Variants in SMO observed in about 807,000 individuals in gnomAD.
SMO encodes smoothened, frizzled class receptor.
Under a neutral mutation model 81.6 loss-of-function variants are expected in SMO, and 40 were observed. The observed-to-expected ratio is 0.49, with a 90% CI of 0.38 to 0.64. SMO has a LOEUF of 0.64. SMO is among the 30% of genes least tolerant of loss of function. The probability of loss-of-function intolerance (pLI) is 0.00; values close to 1 mark genes in which losing one functional copy is unlikely to be tolerated. For synonymous variants in SMO, 434 were observed against 432.1 expected, an observed-to-expected ratio of 1.00 and a Z score of -0.05; for missense variants, 916 against 1,061.1, an observed-to-expected ratio of 0.86 and a Z score of 1.90.
chr7:129,194,295 C>T (rs1028714430), intron 1 of SMO, among the ~76,000 whole-genome samples: 1 of 152,070 alleles, frequency 6.6e-6, no homozygotes, highest in Non-Finnish European at 1.5e-5. Flanking sequence ...TTCAGAGGCT[C>T]ACTCATTGTG....
At chr7:129,204,728 G>A (rs1793730024) in intron 2 of SMO, among the ~76,000 whole-genome samples, 1 of 151,856 alleles carries the variant, frequency 6.6e-6, no homozygotes, top group African/African-American at 2.4e-5. Context: ...CTTAGAAATG[G>A]GGAAACTGGC....
chr7:129,212,111 G>A lies in SMO; in HGVS notation c.2024G>A (p.Arg675Lys), dbSNP rs1466921386. 7 of 1,571,518 alleles carry A rather than the reference G, an allele frequency of 4.5e-6. No individual in the cohort carries two copies. The highest frequency in any genetic ancestry group is 1.4e-5 in the African/African-American group (1 of 73,778). The change falls in exon 12 of 12, where the codon AGG (arginine) becomes AAG (lysine). Residue 675 changes from arginine to lysine, a missense_variant. By Grantham distance (26) the Arg-to-Lys change is conservative. Coordinates refer to ENST00000249373, the MANE Select transcript of SMO (RefSeq NM_005631.5). This position sits in a 1 kb window ranked among gnomAD's most constrained non-coding sequence, Gnocchi z 5.0. Reference protein sequence around the residue: ...LQKRLGRKKKRRKRKKEVCPL... With the variant: ...LQKRLGRKKKKRKRKKEVCPL... ...AAGCGCCTGGGCCGGAAGAAGAAGAGGAGGAAGAGGAAGAAGGAGGTGTGC... is the reference window on the plus strand; with the variant it reads ...AAGCGCCTGGGCCGGAAGAAGAAGAAGAGGAAGAGGAAGAAGGAGGTGTGC...
intron 1 of SMO, among the ~76,000 whole-genome samples, chr7:129,196,121 AAAAAAAAAAC>A (rs1374688419): frequency 6.8e-6 from 1 of 146,658 alleles, no homozygotes; most frequent in African/African-American, 2.5e-5. Flanking sequence ...AAAAGAAAAG[AAAAAAAAAAC>A]AAAAAAAAAT....
Position 129,208,649 on chromosome 7 carries a change from G to C in SMO, c.1265-110G>C. On this transcript the variant is annotated intron_variant, in intron 6 of 11. Transcript: ENST00000249373. The surrounding 1 kb of genome is among the most constrained non-coding windows in gnomAD (Gnocchi z 5.2). The stretch of plus-strand genomic sequence containing the variant: ...TCCCCAGGTTTTCATTTAGCACAGG[G>C]GTAATCAGACTTGGGACTCCAGAGC... The C allele has an allele frequency of 4.4e-6, 3 of 677,190 alleles. No individual in the cohort carries two copies. Among genetic ancestry groups the C allele is most frequent in the Non-Finnish European group, 8.1e-6 (3 of 369,098 alleles). 41.9% of individuals were successfully genotyped at this position (677,190 alleles called of 1,614,324 possible).
At chr7:129,203,639 G>C (rs771329569) in intron 2 of SMO, 50 bp downstream of exon 2, 7 of 1,453,150 alleles carry the variant, frequency 4.8e-6, no homozygotes, top group Non-Finnish European at 5.6e-6. Context: ...GGGCAGGACC[G>C]GGTATAGGGC....
chr7:129,206,247 C>A lies in SMO; in HGVS notation c.1018C>A (p.His340Asn), dbSNP rs762297325. The A allele has an allele frequency of 6.2e-7, 1 of 1,614,194 alleles. No individual in the cohort carries two copies. The highest frequency in any genetic ancestry group is 1.1e-5 in the South Asian group (1 of 91,086). Residue 340 changes from histidine (H) to asparagine (N), a missense_variant, in exon 5 of 12, where the codon CAC (histidine) becomes AAC (asparagine). His to Asn is a moderately conservative substitution (Grantham distance 68, BLOSUM62 1). Coordinates refer to ENST00000249373, the MANE Select transcript of SMO (RefSeq NM_005631.5). This position sits in a 1 kb window ranked among gnomAD's most constrained non-coding sequence, Gnocchi z 4.4. ...GTTTGTGGTCCTCACCTATGCCTGG[C>A]ACACTTCCTTCAAAGCCCTGGGCAC... is the stretch of plus-strand genomic sequence containing the variant. ...VWFVVLTYAW[H>N]TSFKALGTTY... is the part of the protein sequence containing the mutation.
chr7:129,196,327 T>TTTTG (rs1554460603), intron 1 of SMO, among the ~76,000 whole-genome samples: 2 of 145,030 alleles, frequency 1.4e-5, no homozygotes, highest in Non-Finnish European at 3.0e-5. Context: ...CTATTCTTGA[T>TTTTG]TGTGTGTGTG....
In SMO at chr7:129,205,382, C is replaced by T. The variant is rs111482521; in HGVS notation, c.717C>T (p.Ala239=). 6.4e-3 allele frequency: 10,237 copies of T among 1,611,784 alleles called. 51 individuals are homozygous for T. The highest frequency in any genetic ancestry group is 9.9e-3 in the Middle Eastern group (60 of 6,056). ...DMHSYIAAFG[A]VTGLCTLFTL... ...ACAGCTACATCGCGGCCTTCGGGGCCGTCACGGGCCTCTGCACGCTCTTCA... is the reference window on the plus strand; with the variant it reads ...ACAGCTACATCGCGGCCTTCGGGGCTGTCACGGGCCTCTGCACGCTCTTCA... Residue 239 remains alanine (A), a synonymous_variant, in exon 3 of 12, where the codon GCC becomes GCT. Coordinates refer to ENST00000249373, the MANE Select transcript of SMO (RefSeq NM_005631.5).
In SMO at chr7:129,203,482, C is replaced by T. The variant is rs1793704781; in HGVS notation, c.430C>T (p.Arg144Cys). Residue 144 changes from arginine (R) to cysteine (C), a missense_variant, in exon 2 of 12, where the codon CGT becomes TGT. By Grantham distance (180) the Arg-to-Cys change is radical. This residue lies in a region of SMO where 436 missense variants were observed against 570.9 expected (regional missense o/e 0.76). Transcript: ENST00000249373. ...CENDRVELPS[R>C]TLCQATRGPC... Reference sequence around the variant, plus strand: ...GAATGACCGGGTGGAGCTGCCCAGCCGTACCCTCTGCCAGGCCACCCGAGG... The same window carrying T: ...GAATGACCGGGTGGAGCTGCCCAGCTGTACCCTCTGCCAGGCCACCCGAGG... 3 of 1,597,410 alleles carry T rather than the reference C, an allele frequency of 1.9e-6. No individual in the cohort carries two copies. The highest frequency in any genetic ancestry group is 2.3e-5 in the South Asian group (2 of 88,262).
intron 2 of SMO, among the ~76,000 whole-genome samples, chr7:129,204,324 C>T (rs1253520941): frequency 6.6e-6 from 1 of 151,086 alleles, no homozygotes; most frequent in Non-Finnish European, 1.5e-5. Context: ...CAGAGTGAGA[C>T]TCTGTCTCAA....
At position 129,211,685 on chromosome 7, in the gene SMO, C is replaced by T. The variant is rs747590300; in HGVS notation, c.1851C>T (p.Ala617=). The T allele has an allele frequency of 1.2e-6, 2 of 1,613,708 alleles. No individual in the cohort carries two copies. Among genetic ancestry groups the T allele is most frequent in the South Asian group, 2.2e-5 (2 of 91,060 alleles). Residue 617 remains alanine (A), a synonymous_variant, in exon 11 of 12, where the codon GCC becomes GCT. Coordinates refer to ENST00000249373, the MANE Select transcript of SMO (RefSeq NM_005631.5). The surrounding 1 kb of genome is among the most constrained non-coding windows in gnomAD (Gnocchi z 4.6). ...LNEPSADVSS[A]WAQHVTKMVA... is the part of the protein sequence containing the mutation. ...AGCCCTCAGCTGATGTCTCCTCTGC[C>T]TGGGCCCAGCATGTCACCAAGATGG...
chr7:129,205,752 C>A lies in SMO; in HGVS notation c.890C>A (p.Ala297Glu). 5 of 1,609,052 alleles carry A rather than the reference C, an allele frequency of 3.1e-6. No individual in the cohort carries two copies. The highest frequency in any genetic ancestry group is 4.2e-6 in the Non-Finnish European group (5 of 1,179,866). ...GCCCGCCGAGAGATCGTCTGCCGTG[C>A]AGATGGCACCATGAGGCTTGGGGAG... ...DGARREIVCR[A>E]DGTMRLGEPT... Residue 297 changes from alanine (A) to glutamate (E), a missense_variant, in exon 4 of 12, where the codon GCA becomes GAA. Coordinates refer to ENST00000249373, the MANE Select transcript of SMO (RefSeq NM_005631.5).
intron 1 of SMO, among the ~76,000 whole-genome samples, chr7:129,194,579 C>T (rs900056405): frequency 1.3e-5 from 2 of 152,128 alleles, no homozygotes; most frequent in African/African-American, 4.8e-5. Context: ...TCAGTAATCA[C>T]ATCCTTTTTT....
intron 1 of SMO, among the ~76,000 whole-genome samples, chr7:129,193,675 C>T (rs1327780359): frequency 6.5e-5 from 9 of 139,224 alleles, no homozygotes; most frequent in Admixed American, 4.5e-4. Flanking sequence ...AGGAGAATGG[C>T]GGGAACCCGG....
Position 129,189,200 on chromosome 7 carries a change from C to A in SMO, c.49C>A (p.Leu17Met). The change falls in exon 1 of 12, where the codon CTG becomes ATG. Residue 17 changes from leucine (L) to methionine (M), a missense_variant. Coordinates refer to ENST00000249373, the MANE Select transcript of SMO (RefSeq NM_005631.5). This position sits in a 1 kb window ranked among gnomAD's most constrained non-coding sequence, Gnocchi z 4.7. ...ARGPELPLLG[L>M]LLLLLLGDPG... ...GGGGCCGGAGCTCCCGCTCCTGGGG[C>A]TGCTGCTGCTGCTGCTGCTGGGGGA... The A allele has an allele frequency of 1.0e-6, 1 of 979,738 alleles. No homozygotes were observed. The highest frequency in any genetic ancestry group is 1.3e-6 in the Non-Finnish European group (1 of 764,574). The allele number at this position is 979,738 out of a possible 1,614,324, so 60.7% of individuals were successfully genotyped here.
At position 129,211,124 on chromosome 7, in the gene SMO, C is replaced by A. The variant is rs1388102600; in HGVS notation, c.1801+11C>A. 1 of 1,597,062 alleles carries A rather than the reference C, an allele frequency of 6.3e-7. No individual in the cohort carries two copies. Among genetic ancestry groups the A allele is most frequent in the Admixed American group, 1.7e-5 (1 of 57,936 alleles). ...ACGACGGGCCCGTGGGTGAGCCTCA[C>A]CCCTCCTCTACCGGAGCCGCCTGGC... On this transcript the variant is annotated intron_variant, in intron 10 of 11. Transcript: ENST00000249373. The surrounding 1 kb of genome is among the most constrained non-coding windows in gnomAD (Gnocchi z 4.6).
intron 1 of SMO, among the ~76,000 whole-genome samples, chr7:129,199,540 G>A (rs1449910286): frequency 6.6e-6 from 1 of 152,102 alleles, no homozygotes. Context: ...TTCAAGACCA[G>A]CCTGAGCAAC....
Position 129,188,737 on chromosome 7 carries a change from G to T in SMO, c.-415G>T, listed in dbSNP as rs75827493. The stretch of plus-strand genomic sequence containing the variant: ...GGGGCGAAGGTGGCTGCTGGGCCGC[G>T]GGCTGGCGCGGGGGCGGAGCCGGAG... On this transcript the variant is annotated 5_prime_UTR_variant, in exon 1 of 12. Transcript: ENST00000249373. The surrounding 1 kb of genome is among the most constrained non-coding windows in gnomAD (Gnocchi z 4.9). 2,655 of 198,626 alleles carry T rather than the reference G, an allele frequency of 0.013. 42 individuals carry two copies. The highest frequency in any genetic ancestry group is 0.056 in the East Asian group (699 of 12,484). The allele number at this position is 198,626 out of a possible 1,614,324, so 12.3% of individuals were successfully genotyped here. A position where few individuals can be genotyped will look rare whatever the true frequency, so the allele number is the denominator to read the frequency against.
In SMO at chr7:129,210,411, T is replaced by C. The variant is rs770862790; in HGVS notation, c.1515T>C (p.Pro505=). The C allele has an allele frequency of 6.2e-7, 1 of 1,614,216 alleles. No homozygotes were observed. Among genetic ancestry groups the C allele is most frequent in the Non-Finnish European group, 8.5e-7 (1 of 1,180,006 alleles). ...TIGLPTKQPI[P]DCEIKNRPSL... ...GGCTGCCCACCAAGCAGCCCATCCC[T>C]GACTGTGAGATCAAGAATCGCCCGA... The change falls in exon 9 of 12, where the codon CCT becomes CCC. Residue 505 remains proline (P), a synonymous_variant. Transcript: ENST00000249373. This position sits in a 1 kb window ranked among gnomAD's most constrained non-coding sequence, Gnocchi z 4.7.
Sources: gnomAD v4.1 joint callset for allele counts (sites outside exome capture counted in the v4.1 genomes callset) on GRCh38, gnomAD v4.1.1 for gene constraint, gnomAD v4.1.1 regional missense constraint, Gnocchi (gnomAD v3.1) non-coding constraint, MANE v1.5 for transcripts, NCBI Gene and HGNC (gene_info 2026-07-23, HGNC 2026-07-21) for gene names.